MBNL3: variants seen among roughly 807,000 people sequenced by gnomAD.
MBNL3 encodes the protein muscleblind like splicing regulator 3, also known as muscleblind-like protein 3.
A neutral mutation model predicts 24.5 loss-of-function variants in MBNL3; 6 were observed. The ratio of observed to expected loss-of-function variants is 0.25; its 90% CI spans 0.13 to 0.48. MBNL3 has a LOEUF of 0.48. Ranked by LOEUF, MBNL3 falls within the 20% of genes least tolerant of loss-of-function variation. The pLI, the probability that MBNL3 is intolerant of heterozygous loss-of-function variation, is 0.99. For synonymous variants in MBNL3, 100 were observed against 101.7 expected (o/e 0.98, Z 0.10); for missense variants, 230 against 293.5 (o/e 0.78, Z 1.58).
At chrX:132,448,735 G>A (rs1321861237) in intron 1 of MBNL3, among the ~76,000 whole-genome samples, 1 of 111,728 alleles carries the variant, frequency 9.0e-6, no homozygotes, top group Non-Finnish European at 1.9e-5. Flanking sequence ...TGATGTTAGG[G>A]TGTCAATTTT....
rs761787618 is a variant in MBNL3, at chrX:132,480,990, C to T, written c.-704+7861G>A. Among the ~76,000 whole-genome samples the T allele has an allele frequency of 6.3e-5, 7 of 110,902 alleles. No individual in the cohort carries two copies. In the South Asian group the frequency reaches 2.7e-3, roughly 42 times the overall value. ...ATATACAAAACATGCAGCCCAGTGA[C>T]AGATTTATTGTGGCCTTACAGAATA... is the stretch of plus-strand genomic sequence containing the variant. On this transcript the variant is annotated intron_variant, in intron 1 of 8. Coordinates refer to ENST00000370853, the MANE Select transcript of MBNL3 (RefSeq NM_001386889.1).
chrX:132,390,907 G>A lies in MBNL3; in HGVS notation c.711C>T (p.His237=). 8.3e-7 allele frequency: 1 copy of A among 1,211,594 alleles called. No individual in the cohort carries two copies. Among genetic ancestry groups the A allele is most frequent in the South Asian group, 1.8e-5 (1 of 56,970 alleles). ...EKCKYFHPPA[H]LQARLKAAHH... ...GAGCTGCCTTGAGTCTGGCTTGCAAGTGTGCAGGAGGATGAAAGTACTTGC... is the reference window on the plus strand; with the variant it reads ...GAGCTGCCTTGAGTCTGGCTTGCAAATGTGCAGGAGGATGAAAGTACTTGC... Residue 237 remains histidine (H), a synonymous_variant, in exon 5 of 9, where the codon CAC becomes CAT. Coordinates refer to ENST00000370853, the MANE Select transcript of MBNL3 (RefSeq NM_001386889.1).
chrX:132,446,466 A>G (rs1008363585), intron 1 of MBNL3, among the ~76,000 whole-genome samples: 4 of 111,073 alleles, frequency 3.6e-5, no homozygotes, highest in African/African-American at 1.3e-4. Context: ...TGGAGATGGT[A>G]TCTCATTGTG....
chrX:132,486,464 T>A (rs1344577128), intron 1 of MBNL3, among the ~76,000 whole-genome samples: 1 of 111,821 alleles, frequency 8.9e-6, no homozygotes, highest in African/African-American at 3.3e-5. Flanking sequence ...GGAGAGATAA[T>A]AATACACCTA....
At chrX:132,467,812 T>C (rs1015513981) in intron 1 of MBNL3, among the ~76,000 whole-genome samples, 2 of 112,422 alleles carry the variant, frequency 1.8e-5, no homozygotes, top group Non-Finnish European at 3.8e-5. Context: ...AAAATGACTA[T>C]ATATCATCAC....
At chrX:132,478,751 G>A (rs757167844) in intron 1 of MBNL3, among the ~76,000 whole-genome samples, 20 of 112,140 alleles carry the variant, frequency 1.8e-4, no homozygotes, top group African/African-American at 6.5e-4. Flanking sequence ...ATGCACTAAT[G>A]AGTTGTTGCC....
At chrX:132,385,214 G>A (rs1403266181) in intron 6 of MBNL3, among the ~76,000 whole-genome samples, 1 of 110,636 alleles carries the variant, frequency 9.0e-6, no homozygotes, top group African/African-American at 3.3e-5. Context: ...ACTAATTAAG[G>A]GAAAGGGAAT....
intron 3 of MBNL3, among the ~76,000 whole-genome samples, chrX:132,397,242 A>G (rs1007831625): frequency 4.6e-5 from 5 of 109,606 alleles, no homozygotes; most frequent in Non-Finnish European, 9.5e-5. Flanking sequence ...AGGCAATGCA[A>G]TTCAATGCAA....
chrX:132,421,329 G>A (rs754556394), intron 2 of MBNL3, among the ~76,000 whole-genome samples: 2 of 110,999 alleles, frequency 1.8e-5, no homozygotes, highest in South Asian at 7.7e-4. Context: ...CCCTAAAAGA[G>A]GTAATATATT....
chrX:132,428,810 A>G (rs1944513097), intron 2 of MBNL3, among the ~76,000 whole-genome samples: 1 of 112,300 alleles, frequency 8.9e-6, no homozygotes, highest in African/African-American at 3.2e-5. Context: ...GCACAGAAGT[A>G]CCTTGTATCC....
intron 2 of MBNL3, among the ~76,000 whole-genome samples, chrX:132,435,403 TAA>T (rs1348694522): frequency 1.8e-5 from 2 of 111,780 alleles, no homozygotes; most frequent in Non-Finnish European, 3.8e-5. Context: ...TAAATGGTGC[TAA>T]GTCTTGCATA....
Position 132,382,211 on chromosome X carries a change from G to A in MBNL3, c.1020C>T (p.Ser340=), listed in dbSNP as rs751419205. The change falls in exon 8 of 9, where the codon AGC becomes AGT. Residue 340 remains serine (S), a synonymous_variant. Transcript: ENST00000370853. ...CTGTAGTTGGTGCAGCGAACGGAAC[G>A]CTGGTGGCAGGTGTTGTTGCTGCAG... ...TVSAATTPAT[S]VPFAAPTTGN... is the part of the protein sequence containing the mutation. 1.2e-5 allele frequency: 14 copies of A among 1,210,983 alleles called. No individual in the cohort carries two copies. Among genetic ancestry groups the A allele is most frequent in the Non-Finnish European group, 1.3e-5 (12 of 894,982 alleles).
intron 2 of MBNL3, among the ~76,000 whole-genome samples, chrX:132,425,520 C>A (rs755071542): frequency 9.0e-6 from 1 of 111,489 alleles, no homozygotes; most frequent in South Asian, 3.7e-4. Context: ...ACTTTTTGGA[C>A]TTTCAAAATG....
intron 2 of MBNL3, among the ~76,000 whole-genome samples, chrX:132,437,584 C>A (rs1389168711): frequency 9.0e-6 from 1 of 111,418 alleles, no homozygotes; most frequent in Non-Finnish European, 1.9e-5. Flanking sequence ...GGTTAAGTTG[C>A]CCGAGGTCAG....
intron 1 of MBNL3, among the ~76,000 whole-genome samples, chrX:132,458,871 T>G (rs778030270): frequency 9.3e-6 from 1 of 108,078 alleles, no homozygotes; most frequent in South Asian, 4.2e-4. Context: ...CCATGTGACT[T>G]TCCTAAACTT....
At chrX:132,405,880 CA>C (rs58288015) in intron 3 of MBNL3, among the ~76,000 whole-genome samples, 344 of 32,826 alleles carry the variant, frequency 0.01, no homozygotes, top group African/African-American at 0.03. Flanking sequence ...TCTGTCTCAC[CA>C]AAAAAAAAAA....
Position 132,379,657 on chromosome X carries a change from C to T in MBNL3, c.*9G>A, listed in dbSNP as rs745447874. The T allele has an allele frequency of 8.4e-7, 1 of 1,193,289 alleles. No individual in the cohort carries two copies. The highest frequency in any genetic ancestry group is 1.1e-6 in the Non-Finnish European group (1 of 881,900). On this transcript the variant is annotated 3_prime_UTR_variant, in exon 9 of 9. Transcript: ENST00000370853. ...ATGGAAAGATTCTGATACTCCATAA[C>T]TCTGCTGTTCAGAATTTCAGCTGAA...
intron 2 of MBNL3, among the ~76,000 whole-genome samples, chrX:132,407,299 T>A (rs964397922): frequency 1.8e-5 from 2 of 112,184 alleles, no homozygotes; most frequent in African/African-American, 6.5e-5. Context: ...CGGCTCTTTT[T>A]AAATATTAGA....
chrX:132,427,222 CA>C (rs1184456849), intron 2 of MBNL3, among the ~76,000 whole-genome samples: 1 of 111,960 alleles, frequency 8.9e-6, no homozygotes, highest in Non-Finnish European at 1.9e-5. Flanking sequence ...AACTACTTCT[CA>C]GGCTCCTTTG....
Sources: gnomAD v4.1 joint callset for allele counts (sites outside exome capture counted in the v4.1 genomes callset) on GRCh38, gnomAD v4.1.1 for gene constraint, MANE v1.5 for transcripts, NCBI Gene and HGNC (gene_info 2026-07-23, HGNC 2026-07-21) for gene names.